Variants in MYRIP observed in about 807,000 individuals in gnomAD.
The protein encoded by MYRIP is rab effector MyRIP.
In MYRIP, 49 loss-of-function variants were observed where a neutral mutation model predicts 98.0. The observed-to-expected ratio is 0.50, with a 90% CI of 0.40 to 0.63. MYRIP has a LOEUF of 0.63. Among genes scored for constraint, MYRIP ranks in the 30% least tolerant of loss-of-function variants. The pLI is 0.00. For synonymous variants in MYRIP, 404 were observed against 409.5 expected (o/e 0.99, Z 0.16); for missense variants, 1,004 against 1,058.2 (o/e 0.95, Z 0.71).
At chr3:39,854,319 T>C (rs1178103498) in intron 1 of MYRIP, among the ~76,000 whole-genome samples, 2 of 152,138 alleles carry the variant, frequency 1.3e-5, no homozygotes, top group Non-Finnish European at 2.9e-5. Context: ...ATCTCAACTT[T>C]TTTGGAGGCT....
intron 3 of MYRIP, among the ~76,000 whole-genome samples, chr3:40,147,766 C>T (rs977254790): frequency 5.3e-5 from 8 of 152,172 alleles, no homozygotes; most frequent in African/African-American, 1.9e-4. Context: ...AGAACAAAGA[C>T]GTGGCTCCTT....
chr3:39,953,844 G>C (rs748337685), intron 2 of MYRIP, among the ~76,000 whole-genome samples: 1 of 152,126 alleles, frequency 6.6e-6, no homozygotes, highest in Non-Finnish European at 1.5e-5. Flanking sequence ...TTTTCCAAAC[G>C]GCATACCAGG....
At chr3:40,108,174 T>TGAGAGAGAGA (rs72224557) in intron 3 of MYRIP, among the ~76,000 whole-genome samples, 88 of 138,290 alleles carry the variant, frequency 6.4e-4, no homozygotes, top group African/African-American at 2.1e-3. Context: ...GCAGTGTTTG[T>TGAGAGAGAGA]GAGAGAGAGA....
In MYRIP at chr3:39,873,300, C is replaced by A. The variant is rs929875058; in HGVS notation, c.-30-27487C>A. ...CCATTTTGTAGGTTGCCTGTTCACT[C>A]TGATGGTAGTTTCTTTTGCTGTGCA... On this transcript the variant is annotated intron_variant, in intron 1 of 16. Coordinates refer to ENST00000302541, the MANE Select transcript of MYRIP (RefSeq NM_015460.4). 8.6e-4 allele frequency among the ~76,000 whole-genome samples: 131 copies of A among 152,284 alleles called. 2 individuals carry two copies. The highest frequency in any genetic ancestry group is 7.9e-4 in the Non-Finnish European group (54 of 68,032).
chr3:39,896,135 A>G (rs1036193857), intron 1 of MYRIP, among the ~76,000 whole-genome samples: 1 of 152,264 alleles, frequency 6.6e-6, no homozygotes, highest in African/African-American at 2.4e-5. Context: ...AATGTATTTC[A>G]GTAATAAAAG....
At chr3:40,047,080 C>G (rs1262245072) in intron 3 of MYRIP, among the ~76,000 whole-genome samples, 4 of 152,196 alleles carry the variant, frequency 2.6e-5, no homozygotes, top group Admixed American at 1.3e-4. Flanking sequence ...ATCCCATCAC[C>G]TATAAATGGA....
At chr3:40,188,748 G>T (rs1415556608) in intron 9 of MYRIP, among the ~76,000 whole-genome samples, 1 of 149,230 alleles carries the variant, frequency 6.7e-6, no homozygotes, top group Non-Finnish European at 1.5e-5. Flanking sequence ...TTGCACTGCA[G>T]CCTGGGCAAC....
intron 13 of MYRIP, among the ~76,000 whole-genome samples, chr3:40,247,680 C>G (rs558619063): frequency 2.6e-5 from 4 of 152,290 alleles, no homozygotes; most frequent in East Asian, 1.9e-4. Context: ...CGCACCACCA[C>G]GTCCAGCTAA....
At chr3:40,216,796 ATTTT>A (rs998683253) in intron 11 of MYRIP, among the ~76,000 whole-genome samples, 1 of 152,060 alleles carries the variant, frequency 6.6e-6, no homozygotes, top group Non-Finnish European at 1.5e-5. Context: ...GAATCCCTGG[ATTTT>A]TTTTCTTAAT....
chr3:40,130,845 T>C (rs1010864340), intron 3 of MYRIP, among the ~76,000 whole-genome samples: 1 of 152,212 alleles, frequency 6.6e-6, no homozygotes, highest in African/African-American at 2.4e-5. Flanking sequence ...CCTCCAAACC[T>C]GATCCTCTTC....
At chr3:40,088,207 G>A (rs1377511047) in intron 3 of MYRIP, among the ~76,000 whole-genome samples, 1 of 152,174 alleles carries the variant, frequency 6.6e-6, no homozygotes, top group African/African-American at 2.4e-5. Flanking sequence ...GGGGACAGAT[G>A]TTGGAACTCA....
At chr3:40,055,705 T>C (rs904088380) in intron 3 of MYRIP, among the ~76,000 whole-genome samples, 2 of 152,158 alleles carry the variant, frequency 1.3e-5, no homozygotes, top group Admixed American at 1.3e-4. Context: ...AGCACTTTAC[T>C]GTTTTCATAT....
intron 9 of MYRIP, among the ~76,000 whole-genome samples, chr3:40,183,006 C>T (rs1375707434): frequency 6.6e-6 from 1 of 152,176 alleles, no homozygotes; most frequent in Non-Finnish European, 1.5e-5. Context: ...GTACAAGGTT[C>T]CCACCTTGTG....
intron 2 of MYRIP, among the ~76,000 whole-genome samples, chr3:39,919,252 C>T (rs1042504702): frequency 2.6e-5 from 4 of 152,150 alleles, no homozygotes; most frequent in Non-Finnish European, 5.9e-5. Context: ...TACCTGCTGC[C>T]TTATTTATCA....
chr3:40,214,802 T>TGG (rs1434975205), intron 11 of MYRIP, among the ~76,000 whole-genome samples: 8 of 152,136 alleles, frequency 5.3e-5, no homozygotes, highest in Admixed American at 6.6e-5. Context: ...CTGGCTAAAG[T>TGG]GGTTCTTTTT....
rs1951693720 is a variant in MYRIP at position 40,204,053 on chromosome 3, TTTA to T, written c.1666-5799_1666-5797del. 6.3e-4 allele frequency among the ~76,000 whole-genome samples: 3 copies of T among 4,788 alleles called. 1 individual carries two copies. Among genetic ancestry groups the T allele is most frequent in the Non-Finnish European group, 8.8e-4 (2 of 2,274 alleles). 3.1% of individuals were successfully genotyped at this position (4,788 alleles called of 152,430 possible). ...TATATTATATATTATATATAATATA[TTTA>T]TATATAATAAATATTATATAATATA... On this transcript the variant is annotated intron_variant, in intron 10 of 16. Transcript: ENST00000302541.
intron 2 of MYRIP, among the ~76,000 whole-genome samples, chr3:39,968,472 T>G (rs1481866370): frequency 6.6e-6 from 1 of 152,164 alleles, no homozygotes; most frequent in African/African-American, 2.4e-5. Flanking sequence ...CACATTTAAG[T>G]CTTTAACCTA....
intron 1 of MYRIP, among the ~76,000 whole-genome samples, chr3:39,858,459 C>G (rs1942370021): frequency 1.3e-5 from 2 of 152,128 alleles, no homozygotes; most frequent in South Asian, 2.1e-4. Flanking sequence ...TTTAATATCC[C>G]ACTTTCAACA....
chr3:40,244,953 C>T (rs1485410354), intron 13 of MYRIP, among the ~76,000 whole-genome samples: 2 of 152,184 alleles, frequency 1.3e-5, no homozygotes, highest in African/African-American at 2.4e-5. Flanking sequence ...CTGTTGATTA[C>T]TTATTAAGTA....
Sources: gnomAD v4.1 joint callset for allele counts (sites outside exome capture counted in the v4.1 genomes callset) on GRCh38, gnomAD v4.1.1 for gene constraint, MANE v1.5 for transcripts, NCBI Gene and HGNC (gene_info 2026-07-23, HGNC 2026-07-21) for gene names.